Variants in LILRB1 observed in about 807,000 individuals in gnomAD.
LILRB1 encodes leukocyte immunoglobulin-like receptor subfamily B member 1.
Under a neutral mutation model 74.6 loss-of-function variants are expected in LILRB1, and 59 were observed. That is an observed-to-expected ratio of 0.79 (90% CI 0.64 to 0.98). LILRB1 has a LOEUF of 0.98. LILRB1 is among the 50% of genes least tolerant of loss of function. The pLI is 0.00. For missense variants in LILRB1, 804 were observed against 822.6 expected (o/e 0.98, Z 0.28); for synonymous variants, 328 against 333.9 (o/e 0.98, Z 0.19).
intron 1 of LILRB1, among the ~76,000 whole-genome samples, chr19:54,625,196 T>TG (rs1460790614): frequency 7.0e-6 from 1 of 143,038 alleles, no homozygotes; most frequent in Non-Finnish European, 1.6e-5. Flanking sequence ...GGTGTTCGGG[T>TG]GGGGGCAGGA....
chr19:54,622,899 C>T (rs572263174), intron 1 of LILRB1, among the ~76,000 whole-genome samples: 29 of 152,232 alleles, frequency 1.9e-4, no homozygotes, highest in South Asian at 1.5e-3. Context: ...CTTTCTCGAA[C>T]GCTTTATCTG....
intron 1 of LILRB1, 141 bp from the exon 2 acceptor site, chr19:54,630,885 A>G: frequency 2.6e-6 from 3 of 1,171,308 alleles, no homozygotes; most frequent in Non-Finnish European, 3.7e-6. Flanking sequence ...GACTGCCCCC[A>G]CCTCAGCCCT....
rs1347858160 is a variant in LILRB1 at position 54,631,034 on chromosome 19, G to A, written c.-40G>A. The A allele has an allele frequency of 6.2e-7, 1 of 1,614,222 alleles. No individual in the cohort carries two copies. Among genetic ancestry groups the A allele is most frequent in the South Asian group, 1.1e-5 (1 of 91,090 alleles). Reference sequence around the variant, plus strand: ...TCTCTCTATCCTGCCAGCACCGAGGGCTCATCCATCCACAGAGCAGGGCAG... The same window carrying A: ...TCTCTCTATCCTGCCAGCACCGAGGACTCATCCATCCACAGAGCAGGGCAG... On this transcript the variant is annotated 5_prime_UTR_variant, in exon 2 of 15. Transcript: ENST00000324602.
At chr19:54,622,057 G>A (rs2063471693) in intron 1 of LILRB1, among the ~76,000 whole-genome samples, 1 of 151,998 alleles carries the variant, frequency 6.6e-6, no homozygotes, top group Non-Finnish European at 1.5e-5. Context: ...GTATATTTTT[G>A]TACTAGTAAA....
chr19:54,616,722 G>A (rs193112859), upstream of LILRB1, among the ~76,000 whole-genome samples: 74 of 152,120 alleles, frequency 4.9e-4, 1 homozygote, highest in African/African-American at 1.4e-3. Context: ...AATTAATCTC[G>A]ATTTGGCTTG....
intron 3 of LILRB1, 43 bp downstream of exon 3, chr19:54,631,349 G>C: frequency 6.2e-7 from 1 of 1,613,552 alleles, no homozygotes; most frequent in Non-Finnish European, 8.5e-7. Context: ...CTCCTCACTG[G>C]GGACAAGGGG....
upstream of LILRB1, among the ~76,000 whole-genome samples, chr19:54,629,141 A>G (rs2063682822): frequency 6.6e-6 from 1 of 152,156 alleles, no homozygotes; most frequent in South Asian, 2.1e-4. Flanking sequence ...TTTTTCAACC[A>G]AACGGGGGTC....
intron 12 of LILRB1, 88 bp downstream of exon 12, chr19:54,635,384 AG>A (rs2146293625): frequency 4.5e-6 from 7 of 1,572,900 alleles, no homozygotes; most frequent in Non-Finnish European, 5.2e-6. Flanking sequence ...CTGGCTGGAA[AG>A]GGTCTGGGGC....
Position 54,631,612 on chromosome 19 carries a change from T to C in LILRB1, c.183T>C (p.Tyr61=), listed in dbSNP as rs770437260. 7 of 1,614,258 alleles carry C rather than the reference T, an allele frequency of 4.3e-6. No individual in the cohort carries two copies. Among genetic ancestry groups the C allele is most frequent in the African/African-American group, 2.7e-5 (2 of 75,074 alleles). The change falls in exon 4 of 15, where the codon TAT becomes TAC. Residue 61 remains tyrosine, a synonymous_variant. Coordinates refer to ENST00000324602, the MANE Select transcript of LILRB1 (RefSeq NM_001081637.3). Reference sequence around the variant, plus strand: ...AGGAGACCCAGGAGTACCGTCTATATAGAGAAAAGAAAACAGCACCCTGGA... The same window carrying C: ...AGGAGACCCAGGAGTACCGTCTATACAGAGAAAAGAAAACAGCACCCTGGA... ...GGQETQEYRL[Y]REKKTAPWIT...
chr19:54,636,772 A>T lies in LILRB1; in HGVS notation c.1853A>T (p.Gln618Leu), dbSNP rs746914203. ...SEAPQDVTYA[Q>L]LHSLTLRREA... ...GCCCCCCAGGATGTGACCTACGCCC[A>T]GCTGCACAGCTTGACCCTCAGACGG... The change falls in exon 15 of 15, where the codon CAG becomes CTG. Residue 618 changes from glutamine (Q) to leucine (L), a missense_variant. Gln to Leu is a moderately radical substitution (Grantham distance 113). Transcript: ENST00000324602. 6.4e-7 allele frequency: 1 copy of T among 1,571,224 alleles called. No individual in the cohort carries two copies. Among genetic ancestry groups the T allele is most frequent in the Admixed American group, 1.8e-5 (1 of 56,134 alleles).
rs1471294100 is a variant in LILRB1, at chr19:54,632,087, C to T, written c.511C>T (p.Gln171Ter). ...TGAACACCCACAATGCCTGAACTCC[C>T]AGCCCCATGCCCGTGGGTCGTCCCG... is the stretch of plus-strand genomic sequence containing the variant. ...EDEHPQCLNSQPHARGSSRAI... is the reference protein window; with the variant it reads ...EDEHPQCLNS The change falls in exon 5 of 15, where the codon CAG (glutamine) becomes TAG (stop). Residue 171 changes from glutamine to a stop codon, truncating the protein, a stop_gained. Transcript: ENST00000324602. LOFTEE classifies it high-confidence loss of function. The T allele has an allele frequency of 6.2e-7, 1 of 1,614,270 alleles. No individual in the cohort carries two copies. Among genetic ancestry groups the T allele is most frequent in the Non-Finnish European group, 8.5e-7 (1 of 1,180,034 alleles).
At position 54,635,372 on chromosome 19, in the gene LILRB1, C is replaced by A. The variant is rs116287498; in HGVS notation, c.1600+76C>A. 1.5e-5 allele frequency: 23 copies of A among 1,584,568 alleles called. 1 individual carries two copies. The highest frequency in any genetic ancestry group is 2.0e-5 in the Non-Finnish European group (23 of 1,157,186). On this transcript the variant is annotated intron_variant, in intron 12 of 14. Transcript: ENST00000324602. Reference sequence around the variant, plus strand: ...GTTTCCGTAGCAATGGGGAAAGGGGCGCTGGCTGGAAAGGGTCTGGGGCTC... The same window carrying A: ...GTTTCCGTAGCAATGGGGAAAGGGGAGCTGGCTGGAAAGGGTCTGGGGCTC...
intron 1 of LILRB1, among the ~76,000 whole-genome samples, chr19:54,617,585 G>C (rs1399475891): frequency 6.7e-6 from 1 of 149,994 alleles, no homozygotes; most frequent in Non-Finnish European, 1.5e-5. Flanking sequence ...GTGTGTGTGT[G>C]TGTGGTGTGT....
In LILRB1 at chr19:54,637,977, G is replaced by A. The variant is rs117569435; in HGVS notation, c.*1099G>A. Among the ~76,000 whole-genome samples the A allele has an allele frequency of 1.2e-3, 179 of 152,284 alleles. No homozygotes were observed. Among genetic ancestry groups the A allele is most frequent in the Non-Finnish European group, 2.2e-3 (153 of 68,030 alleles). The stretch of plus-strand genomic sequence containing the variant: ...TGTGTGTGTGTGTATATATATGTGT[G>A]TGTGTGTGAAAAACATTGACTATAA... On this transcript the variant is annotated 3_prime_UTR_variant, in exon 15 of 15. Transcript: ENST00000324602.
chr19:54,625,900 C>A (rs113796721), upstream of LILRB1, among the ~76,000 whole-genome samples: 1 of 151,692 alleles, frequency 6.6e-6, no homozygotes, highest in Non-Finnish European at 1.5e-5. Flanking sequence ...CTCACTCACC[C>A]CTTCCCCGTG....
chr19:54,633,729 C>A (rs1340235905), intron 8 of LILRB1, 41 bp downstream of exon 8: 1 of 1,591,260 alleles, frequency 6.3e-7, no homozygotes, highest in Non-Finnish European at 8.6e-7. Context: ...AGTGCGGCCT[C>A]CCCCAGGGCA....
upstream of LILRB1, among the ~76,000 whole-genome samples, chr19:54,627,349 C>T (rs1251789796): frequency 3.9e-5 from 6 of 152,198 alleles, no homozygotes; most frequent in East Asian, 1.9e-4. Context: ...TCACTGCAGA[C>T]ACCCAATAGG....
chr19:54,627,347 G>C (rs2063621805), upstream of LILRB1, among the ~76,000 whole-genome samples: 1 of 152,142 alleles, frequency 6.6e-6, no homozygotes. Flanking sequence ...CTTCACTGCA[G>C]ACACCCAATA....
Position 54,631,502 on chromosome 19 carries a change from C to A in LILRB1, c.73C>A (p.His25Asn), listed in dbSNP as rs1012230566. The A allele has an allele frequency of 1.2e-6, 2 of 1,606,658 alleles. No homozygotes were observed. The highest frequency in any genetic ancestry group is 2.2e-5 in the South Asian group (2 of 90,626). ...TCTGACTCCTGATTTCCTTCCAGGG[C>A]ACCTCCCCAAGCCCACCCTCTGGGC... ...LGPRTHVQAG[H>N]LPKPTLWAEP... Residue 25 changes from histidine (H) to asparagine (N), a missense_variant and splice_region_variant, in exon 4 of 15, where the codon CAC (histidine) becomes AAC (asparagine). His to Asn is a moderately conservative substitution (Grantham distance 68, BLOSUM62 1). Coordinates refer to ENST00000324602, the MANE Select transcript of LILRB1 (RefSeq NM_001081637.3).
Sources: gnomAD v4.1 joint callset for allele counts (sites outside exome capture counted in the v4.1 genomes callset) on GRCh38, gnomAD v4.1.1 for gene constraint, MANE v1.5 for transcripts, NCBI Gene and HGNC (gene_info 2026-07-23, HGNC 2026-07-21) for gene names.